NRXN1: variants seen among roughly 807,000 people sequenced by gnomAD.
The protein encoded by NRXN1 is neurexin-1.
Under a neutral mutation model 150.9 loss-of-function variants are expected in NRXN1, and 39 were observed. That is an observed-to-expected ratio of 0.26 (90% confidence interval 0.20 to 0.34). NRXN1 has a LOEUF of 0.34. Among genes scored for constraint, NRXN1 ranks in the 10% least tolerant of loss-of-function variants. The pLI is 1.00. For synonymous variants in NRXN1, 924 were observed against 757.0 expected (o/e 1.22, Z -3.62); for missense variants, 1,815 against 1,949.9 (o/e 0.93, Z 1.30).
chr2:50,829,917 C>T lies in NRXN1; in HGVS notation c.832+91952G>A, dbSNP rs181788021. On this transcript the variant is annotated intron_variant, in intron 5 of 22. Transcript: ENST00000401669. Reference sequence around the variant, plus strand: ...GCTCTGTGTGTCTTCTCAGCCTGCCCTTAGCAAGACTCACAATGTGAGTTC... The same window carrying T: ...GCTCTGTGTGTCTTCTCAGCCTGCCTTTAGCAAGACTCACAATGTGAGTTC... Among the ~76,000 whole-genome samples, 506 of 147,492 alleles carry T rather than the reference C, an allele frequency of 3.4e-3. 3 individuals are homozygous for T. Among genetic ancestry groups the T allele is most frequent in the African/African-American group, 0.012 (466 of 39,692 alleles).
intron 2 of NRXN1, among the ~76,000 whole-genome samples, chr2:50,998,417 C>T (rs1176037037): frequency 6.6e-6 from 1 of 151,970 alleles, no homozygotes. Context: ...ATTCAAACTG[C>T]CTTTTACATT....
chr2:50,586,847 A>T (rs189967918), intron 8 of NRXN1, among the ~76,000 whole-genome samples: 61 of 152,316 alleles, frequency 4.0e-4, no homozygotes, highest in African/African-American at 1.3e-3. Flanking sequence ...CAATAATACA[A>T]ATTTCCTGTT....
At chr2:50,779,756 G>A (rs1344817810) in intron 5 of NRXN1, among the ~76,000 whole-genome samples, 16 of 151,432 alleles carry the variant, frequency 1.1e-4, no homozygotes, top group Admixed American at 3.3e-4. Flanking sequence ...TGACAGAGCC[G>A]GACTCCGTCG....
chr2:49,945,198 T>A (rs1172980814), intron 21 of NRXN1: 1 of 152,186 alleles, frequency 6.6e-6, no homozygotes, highest in Non-Finnish European at 1.5e-5. Context: ...TTCATGCATT[T>A]TGCTGCTGCT....
chr2:50,971,856 C>G (rs1049085691), intron 2 of NRXN1, among the ~76,000 whole-genome samples: 1 of 152,092 alleles, frequency 6.6e-6, no homozygotes, highest in African/African-American at 2.4e-5. Context: ...AATTATTCCT[C>G]TCTCATTTAC....
rs567226037 is a variant in NRXN1 at position 50,373,661 on chromosome 2, A to G, written c.3364+91781T>C. Among the ~76,000 whole-genome samples the G allele has an allele frequency of 1.1e-3, 112 of 103,416 alleles. 1 individual carries two copies. Among genetic ancestry groups the G allele is most frequent in the East Asian group, 9.4e-3 (21 of 2,238 alleles). 67.8% of individuals were successfully genotyped at this position (103,416 alleles called of 152,430 possible). ...AAGAAAGAAAGAAAGAAAGAAAGAA[A>G]GAAAGAAAGAAAGAAAGAAAAGAAA... On this transcript the variant is annotated intron_variant, in intron 17 of 22. Transcript: ENST00000401669.
At chr2:50,589,321 C>G (rs953036158) in intron 8 of NRXN1, 1 of 152,170 alleles carries the variant, frequency 6.6e-6, no homozygotes, top group Admixed American at 6.6e-5. Flanking sequence ...GGAGGAGATA[C>G]CTGCTAGATG....
intron 5 of NRXN1, among the ~76,000 whole-genome samples, chr2:50,641,032 T>C (rs960977776): frequency 2.0e-5 from 3 of 152,172 alleles, no homozygotes; most frequent in Non-Finnish European, 2.9e-5. Context: ...CAGTAGCTTT[T>C]CCTGGATAGG....
intron 17 of NRXN1, among the ~76,000 whole-genome samples, chr2:50,274,399 T>C (rs999534390): frequency 2.6e-5 from 4 of 151,456 alleles, no homozygotes; most frequent in Non-Finnish European, 5.9e-5. Context: ...CTGCTGGGGG[T>C]TGGGGGGCTA....
intron 5 of NRXN1, among the ~76,000 whole-genome samples, chr2:50,876,794 A>G (rs1288054899): frequency 6.6e-6 from 1 of 151,752 alleles, no homozygotes; most frequent in African/African-American, 2.4e-5. Flanking sequence ...TTACTTCTTT[A>G]TGTTCTTGTA....
chr2:50,157,593 T>C (rs2059102155), intron 18 of NRXN1, among the ~76,000 whole-genome samples: 1 of 151,966 alleles, frequency 6.6e-6, no homozygotes, highest in South Asian at 2.1e-4. Context: ...TAAGAATATT[T>C]GTTTCAAGGT....
chr2:50,065,328 A>G (rs996516137), intron 19 of NRXN1, among the ~76,000 whole-genome samples: 1 of 152,148 alleles, frequency 6.6e-6, no homozygotes, highest in Non-Finnish European at 1.5e-5. Context: ...ATTTGAATCA[A>G]GATAAAGCTG....
chr2:50,502,854 T>A (rs1347222100), intron 13 of NRXN1, among the ~76,000 whole-genome samples: 1 of 152,164 alleles, frequency 6.6e-6, no homozygotes, highest in Non-Finnish European at 1.5e-5. Flanking sequence ...CTCTGTCTGC[T>A]GAAGGGGTCA....
intron 5 of NRXN1, among the ~76,000 whole-genome samples, chr2:50,642,557 C>T (rs1304877788): frequency 6.6e-6 from 1 of 151,568 alleles, no homozygotes; most frequent in Admixed American, 6.6e-5. Context: ...TGTAAAAAGT[C>T]CTTGAAAAAA....
chr2:50,759,381 T>C (rs1243412197), intron 5 of NRXN1, among the ~76,000 whole-genome samples: 1 of 151,870 alleles, frequency 6.6e-6, no homozygotes, highest in Non-Finnish European at 1.5e-5. Flanking sequence ...ATGTATCTTT[T>C]TATCTTGGGC....
intron 17 of NRXN1, among the ~76,000 whole-genome samples, chr2:50,298,090 A>C: frequency 6.6e-6 from 1 of 152,194 alleles, no homozygotes; most frequent in South Asian, 2.1e-4. Context: ...GATTAATAAA[A>C]AGACAAAATT....
intron 20 of NRXN1, among the ~76,000 whole-genome samples, 177 bp downstream of exon 20, chr2:50,054,778 T>C (rs1018842349): frequency 1.3e-5 from 2 of 152,186 alleles, no homozygotes; most frequent in African/African-American, 4.8e-5. Flanking sequence ...TAAAAATGTA[T>C]AGAAATTATT....
At chr2:50,304,742 C>A (rs2074457812) in intron 17 of NRXN1, among the ~76,000 whole-genome samples, 1 of 152,122 alleles carries the variant, frequency 6.6e-6, no homozygotes, top group Admixed American at 6.5e-5. Context: ...AAATGGGAAG[C>A]ATCTATCACA....
intron 8 of NRXN1, among the ~76,000 whole-genome samples, chr2:50,618,780 AAAT>A (rs945406001): frequency 2.0e-5 from 3 of 150,018 alleles, no homozygotes; most frequent in Non-Finnish European, 1.5e-5. Context: ...TAATAATAAT[AAAT>A]AATAATAATA....
Sources: allele counts gnomAD v4.1 joint callset (sites outside exome capture counted in the v4.1 genomes callset), GRCh38; gene constraint gnomAD v4.1.1; transcripts MANE v1.5; gene names NCBI Gene and HGNC (gene_info 2026-07-23, HGNC 2026-07-21).